CERS6: variants seen among roughly 807,000 people sequenced by gnomAD.
CERS6 encodes the protein ceramide synthase 6.
A neutral mutation model predicts 56.8 loss-of-function variants in CERS6; 26 were observed. The observed-to-expected ratio is 0.46, with a 90% CI of 0.34 to 0.63. The LOEUF is 0.63. Ranked by LOEUF, CERS6 falls within the 30% of genes least tolerant of loss-of-function variation. CERS6 has a pLI of 0.01. For missense variants in CERS6, 415 were observed against 467.5 expected, an observed-to-expected ratio of 0.89 and a Z score of 1.04; for synonymous variants, 164 against 173.3, an observed-to-expected ratio of 0.95 and a Z score of 0.42.
intron 8 of CERS6, among the ~76,000 whole-genome samples, chr2:168,747,702 C>A (rs531892944): frequency 3.3e-5 from 5 of 152,174 alleles, no homozygotes; most frequent in African/African-American, 1.2e-4. Flanking sequence ...AATATTATCT[C>A]TTTTAATTAT....
At chr2:168,498,277 G>A (rs1369837190) in intron 1 of CERS6, among the ~76,000 whole-genome samples, 1 of 152,038 alleles carries the variant, frequency 6.6e-6, no homozygotes, top group Non-Finnish European at 1.5e-5. Flanking sequence ...TCCTAATGCT[G>A]GATTTTTATT....
chr2:168,477,333 G>A lies in CERS6; in HGVS notation c.170+20715G>A, dbSNP rs186259799. Among the ~76,000 whole-genome samples the A allele has an allele frequency of 1.7e-3, 261 of 152,164 alleles. 1 individual carries two copies. Among genetic ancestry groups the A allele is most frequent in the African/African-American group, 5.8e-3 (242 of 41,498 alleles). ...TTGTAGGCCTCAACATGCAAGTTTG[G>A]GGGGACATAAACATTCAGTCCATAG... On this transcript the variant is annotated intron_variant, in intron 1 of 9. Coordinates refer to ENST00000305747, the MANE Select transcript of CERS6 (RefSeq NM_203463.3).
At chr2:168,749,375 G>A (rs895072315) in intron 8 of CERS6, among the ~76,000 whole-genome samples, 1 of 152,160 alleles carries the variant, frequency 6.6e-6, no homozygotes, top group Non-Finnish European at 1.5e-5. Flanking sequence ...AAATGCGCAA[G>A]CCCATCCCAT....
At chr2:168,494,671 G>C (rs192915719) in intron 1 of CERS6, among the ~76,000 whole-genome samples, 1 of 152,148 alleles carries the variant, frequency 6.6e-6, no homozygotes, top group Non-Finnish European at 1.5e-5. Context: ...CAGAGCCAGC[G>C]AACGAGTCAT....
At chr2:168,585,804 C>A (rs1157735015) in intron 3 of CERS6, among the ~76,000 whole-genome samples, 1 of 152,186 alleles carries the variant, frequency 6.6e-6, no homozygotes. Context: ...GTGGGCTGGT[C>A]CTTCACAAAT....
chr2:168,560,129 A>G (rs900048098), intron 2 of CERS6, among the ~76,000 whole-genome samples: 3 of 152,200 alleles, frequency 2.0e-5, no homozygotes, highest in African/African-American at 7.2e-5. Flanking sequence ...GGTGAAAGGC[A>G]TGTCCCATAT....
At chr2:168,714,367 A>T (rs1256707805) in intron 6 of CERS6, among the ~76,000 whole-genome samples, 1 of 152,232 alleles carries the variant, frequency 6.6e-6, no homozygotes, top group African/African-American at 2.4e-5. Flanking sequence ...GCTGGGAGCC[A>T]TACGATGCCC....
intron 1 of CERS6, among the ~76,000 whole-genome samples, chr2:168,484,165 C>CTTTTTTTTTTTTTTTTTTT (rs1694229616): frequency 2.2e-5 from 1 of 46,390 alleles, no homozygotes; most frequent in Non-Finnish European, 4.6e-5. Flanking sequence ...TTTCTTTTTT[C>CTTTTTTTTTTTTTTTTTTT]TGTTTTTTTT....
At chr2:168,540,083 A>G (rs2105368055) in intron 1 of CERS6, among the ~76,000 whole-genome samples, 1 of 152,184 alleles carries the variant, frequency 6.6e-6, no homozygotes, top group East Asian at 1.9e-4. Context: ...GAGGCCACAA[A>G]TACCCTTAGT....
At chr2:168,595,610 A>T (rs1683778983) in intron 3 of CERS6, among the ~76,000 whole-genome samples, 1 of 152,220 alleles carries the variant, frequency 6.6e-6, no homozygotes, top group Non-Finnish European at 1.5e-5. Flanking sequence ...CTTAAATTTA[A>T]GGCTGATGGT....
At chr2:168,723,700 T>A (rs1683255365) in intron 8 of CERS6, among the ~76,000 whole-genome samples, 1 of 152,188 alleles carries the variant, frequency 6.6e-6, no homozygotes, top group Non-Finnish European at 1.5e-5. Context: ...CTGTTATGAG[T>A]TTCCTCCAGG....
At chr2:168,656,885 A>G (rs1468761240) in intron 4 of CERS6, among the ~76,000 whole-genome samples, 2 of 152,074 alleles carry the variant, frequency 1.3e-5, no homozygotes, top group East Asian at 1.9e-4. Flanking sequence ...GCTAGATACA[A>G]AGGTTCTCCA....
intron 8 of CERS6, among the ~76,000 whole-genome samples, chr2:168,742,909 A>G (rs1683960908): frequency 6.6e-6 from 1 of 152,172 alleles, no homozygotes; most frequent in Admixed American, 6.5e-5. Flanking sequence ...AGTGTCCCTG[A>G]AATTTTTCAG....
At chr2:168,475,261 A>G (rs757442002) in intron 1 of CERS6, among the ~76,000 whole-genome samples, 9 of 152,194 alleles carry the variant, frequency 5.9e-5, no homozygotes, top group African/African-American at 2.2e-4. Flanking sequence ...TCTTGCCACC[A>G]GAATTCAATG....
intron 3 of CERS6, among the ~76,000 whole-genome samples, chr2:168,627,179 C>T (rs768554113): frequency 1.1e-4 from 17 of 152,062 alleles, no homozygotes; most frequent in Admixed American, 2.0e-4. Context: ...TTTCATTAAT[C>T]TAAGAATTCA....
intron 3 of CERS6, among the ~76,000 whole-genome samples, chr2:168,626,850 T>C (rs1684602272): frequency 6.6e-6 from 1 of 152,132 alleles, no homozygotes; most frequent in Non-Finnish European, 1.5e-5. Flanking sequence ...ACAGATCGTT[T>C]AGGATTCAAC....
chr2:168,563,389 G>A (rs1453354461), intron 3 of CERS6, among the ~76,000 whole-genome samples: 1 of 152,194 alleles, frequency 6.6e-6, no homozygotes. Flanking sequence ...CAATGATGGG[G>A]AAGAGATGGT....
intron 4 of CERS6, among the ~76,000 whole-genome samples, chr2:168,633,372 A>G (rs1684793059): frequency 6.6e-6 from 1 of 152,210 alleles, no homozygotes; most frequent in Non-Finnish European, 1.5e-5. Context: ...GGAGGACTTC[A>G]TAAGCCATCT....
At chr2:168,606,229 T>C (rs1684050189) in intron 3 of CERS6, among the ~76,000 whole-genome samples, 2 of 152,252 alleles carry the variant, frequency 1.3e-5, no homozygotes, top group African/African-American at 4.8e-5. Flanking sequence ...ATTTTGGAGC[T>C]TTAAGATTTA....
Sources: allele counts gnomAD v4.1 joint callset (sites outside exome capture counted in the v4.1 genomes callset), GRCh38; gene constraint gnomAD v4.1.1; transcripts MANE v1.5; gene names NCBI Gene and HGNC (gene_info 2026-07-23, HGNC 2026-07-21).